The following COL22A1 variants were observed in gnomAD, a reference collection of about 807,000 sequenced individuals.
The protein encoded by COL22A1 is collagen type XXII alpha 1 chain.
In COL22A1, 221 loss-of-function variants were observed where a neutral mutation model predicts 248.9. The ratio of observed to expected loss-of-function variants is 0.89; its 90% CI spans 0.80 to 0.99. The LOEUF is 0.99. Among genes scored for constraint, COL22A1 ranks in the 50% least tolerant of loss-of-function variants. The pLI is 0.00. For missense variants in COL22A1, 2,240 were observed against 2,179.0 expected, an observed-to-expected ratio of 1.03 and a Z score of -0.56; for synonymous variants, 891 against 793.4, an observed-to-expected ratio of 1.12 and a Z score of -2.07.
At position 138,878,194 on chromosome 8, in the gene COL22A1, G is replaced by C. The variant is rs1052353003; in HGVS notation, c.214C>G (p.Pro72Ala). 1.3e-6 allele frequency: 2 copies of C among 1,599,672 alleles called. No homozygotes were observed. Among genetic ancestry groups the C allele is most frequent in the Non-Finnish European group, 8.5e-7 (1 of 1,173,822 alleles). Residue 72 changes from proline (P) to alanine (A), a missense_variant, in exon 3 of 65, where the codon CCC (proline) becomes GCC (alanine). Coordinates refer to ENST00000303045, the MANE Select transcript of COL22A1 (RefSeq NM_152888.3). ...ANLVDTFEVGPDRTRVGVVRY... is the reference protein window; with the variant it reads ...ANLVDTFEVGADRTRVGVVRY... ...ACGACCCCCACACGGGTGCGGTCGG[G>C]GCCCACCTCGAAGGTGTCCACCAGG...
chr8:138,875,867 C>G (rs1376672923), intron 3 of COL22A1, among the ~76,000 whole-genome samples: 1 of 152,198 alleles, frequency 6.6e-6, no homozygotes, highest in Non-Finnish European at 1.5e-5. Context: ...AGTCCACAGC[C>G]AATGCCTTGC....
chr8:138,661,026 A>G (rs1823893467), intron 43 of COL22A1, among the ~76,000 whole-genome samples: 1 of 40,084 alleles, frequency 2.5e-5, no homozygotes, highest in Non-Finnish European at 8.4e-5. Context: ...ACGCACATAC[A>G]CACACATATA....
intron 31 of COL22A1, among the ~76,000 whole-genome samples, chr8:138,700,468 G>GT (rs11384400): frequency 0.041 from 6,235 of 152,254 alleles, 163 homozygotes; most frequent in East Asian, 0.11. Flanking sequence ...TTCCCTGCAG[G>GT]TGTCCATAAG....
intron 49 of COL22A1, among the ~76,000 whole-genome samples, chr8:138,632,215 C>T (rs950558524): frequency 2.0e-5 from 3 of 152,188 alleles, no homozygotes; most frequent in Non-Finnish European, 4.4e-5. Flanking sequence ...AGAGTGCAGC[C>T]TCTTAGAGTT....
At chr8:138,779,745 G>T (rs943068946) in intron 13 of COL22A1, among the ~76,000 whole-genome samples, 183 bp from the exon 14 acceptor site, 1 of 152,164 alleles carries the variant, frequency 6.6e-6, no homozygotes, top group Non-Finnish European at 1.5e-5. Flanking sequence ...GCAAAGAAGC[G>T]GACCTTTGCT....
Position 138,649,883 on chromosome 8 carries a change from G to T in COL22A1, c.3334-105C>A. On this transcript the variant is annotated intron_variant, in intron 45 of 64. Coordinates refer to ENST00000303045, the MANE Select transcript of COL22A1 (RefSeq NM_152888.3). The stretch of plus-strand genomic sequence containing the variant: ...CTGCTATCTCTCCAGATGGAGATTT[G>T]GTTTTTAAATTCCAGAGAAGATAGA... 2.3e-5 allele frequency: 15 copies of T among 660,118 alleles called. No individual in the cohort carries two copies. The South Asian group carries it at 2.7e-4, about 12-fold the overall frequency. 40.9% of individuals were successfully genotyped at this position (660,118 alleles called of 1,614,324 possible).
intron 56 of COL22A1, among the ~76,000 whole-genome samples, chr8:138,613,109 G>A (rs529817084): frequency 3.9e-5 from 6 of 152,048 alleles, no homozygotes; most frequent in Admixed American, 6.5e-5. Context: ...TTAGCCGGGC[G>A]TGGTGGTGGG....
At chr8:138,654,080 T>A (rs913093651) in intron 45 of COL22A1, among the ~76,000 whole-genome samples, 1 of 152,160 alleles carries the variant, frequency 6.6e-6, no homozygotes, top group Non-Finnish European at 1.5e-5. Context: ...GCTATGGCCG[T>A]GAGGAATGAT....
chr8:138,737,584 G>A lies in COL22A1; in HGVS notation c.2086-7C>T. The A allele has an allele frequency of 6.2e-7, 1 of 1,604,518 alleles. No homozygotes were observed. The highest frequency in any genetic ancestry group is 8.5e-7 in the Non-Finnish European group (1 of 1,171,602). On this transcript the variant is annotated splice_region_variant and splice_polypyrimidine_tract_variant and intron_variant, in intron 22 of 64. Coordinates refer to ENST00000303045, the MANE Select transcript of COL22A1 (RefSeq NM_152888.3). ...CCATGTCACCTTTCTTCCCCTGAGTGTAAAAGAAGAAGCTAAAATTAACAA... is the reference window on the plus strand; with the variant it reads ...CCATGTCACCTTTCTTCCCCTGAGTATAAAAGAAGAAGCTAAAATTAACAA...
At chr8:138,810,262 T>C (rs1042023928) in intron 9 of COL22A1, among the ~76,000 whole-genome samples, 10 of 152,242 alleles carry the variant, frequency 6.6e-5, no homozygotes, top group Non-Finnish European at 1.2e-4. Context: ...GCATTGGGTC[T>C]GGCATCGCTC....
intron 5 of COL22A1, among the ~76,000 whole-genome samples, chr8:138,829,939 T>C (rs1715448530): frequency 6.6e-6 from 1 of 152,216 alleles, no homozygotes; most frequent in Non-Finnish European, 1.5e-5. Flanking sequence ...TATATGTGCA[T>C]GTGTGTGTAT....
At position 138,724,560 on chromosome 8, in the gene COL22A1, C is replaced by G. The variant is rs149082060; in HGVS notation, c.2247+55G>C. On this transcript the variant is annotated intron_variant, in intron 25 of 64. Transcript: ENST00000303045. ...CAGCTGCAAGGGCTCAGTGCTCCCC[C>G]CAGAGCAATGGGGAGAGGGAGGAGG... The G allele has an allele frequency of 3.0e-3, 4,691 of 1,547,092 alleles. 131 individuals are homozygous for G. In the African/African-American group the frequency reaches 0.056, roughly 18 times the overall value.
At chr8:138,718,546 C>T (rs1829624776) in intron 27 of COL22A1, among the ~76,000 whole-genome samples, 1 of 152,226 alleles carries the variant, frequency 6.6e-6, no homozygotes, top group African/African-American at 2.4e-5. Context: ...CTCTGCTCAT[C>T]CCGCAGACAG....
At chr8:138,728,034 TTTTG>T (rs2131191585) in intron 23 of COL22A1, among the ~76,000 whole-genome samples, 1 of 152,148 alleles carries the variant, frequency 6.6e-6, no homozygotes, top group East Asian at 1.9e-4. Context: ...GTTTTTTTGT[TTTTG>T]TTTTTGTTTT....
At chr8:138,620,790 AT>A (rs906993146) in intron 52 of COL22A1, among the ~76,000 whole-genome samples, 1 of 152,256 alleles carries the variant, frequency 6.6e-6, no homozygotes, top group Non-Finnish European at 1.5e-5. Flanking sequence ...TAATCCAGGC[AT>A]TTTGGTTCCA....
At chr8:138,871,457 A>G (rs1044491860) in intron 3 of COL22A1, among the ~76,000 whole-genome samples, 1 of 152,174 alleles carries the variant, frequency 6.6e-6, no homozygotes, top group East Asian at 1.9e-4. Context: ...ACACCATTCC[A>G]AGATCAAGGC....
intron 47 of COL22A1, 120 bp from the exon 48 acceptor site, chr8:138,636,915 C>T: frequency 1.2e-6 from 1 of 843,046 alleles, no homozygotes; most frequent in Non-Finnish European, 2.0e-6. Context: ...TATCAAGTTC[C>T]TGTGGTAGCT....
At position 138,772,793 on chromosome 8, in the gene COL22A1, G is replaced by A. The variant is rs1834490875; in HGVS notation, c.1803+3173C>T. ...CAGGAGAATTGCTTGGACCCGGGAGGTGGAGGTTGCAGTGAGCCGAGATCG... is the reference window on the plus strand; with the variant it reads ...CAGGAGAATTGCTTGGACCCGGGAGATGGAGGTTGCAGTGAGCCGAGATCG... On this transcript the variant is annotated intron_variant, in intron 16 of 64. Coordinates refer to ENST00000303045, the MANE Select transcript of COL22A1 (RefSeq NM_152888.3). 3.3e-5 allele frequency among the ~76,000 whole-genome samples: 5 copies of A among 152,288 alleles called. No individual in the cohort carries two copies. In the South Asian group the frequency reaches 1.0e-3, roughly 32 times the overall value.
intron 45 of COL22A1, among the ~76,000 whole-genome samples, chr8:138,652,557 C>G (rs530583079): frequency 6.6e-6 from 1 of 152,112 alleles, no homozygotes; most frequent in African/African-American, 2.4e-5. Flanking sequence ...AGTCTATTTC[C>G]TCACCTGTAA....
Sources: gnomAD v4.1 joint callset for allele counts (sites outside exome capture counted in the v4.1 genomes callset) on GRCh38, gnomAD v4.1.1 for gene constraint, MANE v1.5 for transcripts, NCBI Gene and HGNC (gene_info 2026-07-23, HGNC 2026-07-21) for gene names.